The following OR51A7 variants were observed in gnomAD, a reference collection of about 807,000 sequenced individuals.
OR51A7 encodes the protein olfactory receptor family 51 subfamily A member 7.
For synonymous variants in OR51A7, 143 were observed against 135.5 expected, an observed-to-expected ratio of 1.05 and a Z score of -0.38; for missense variants, 409 against 374.5, an observed-to-expected ratio of 1.09 and a Z score of -0.76.
chr11:4,904,726 T>G (rs1188165507), intron 1 of OR51A7, among the ~76,000 whole-genome samples: 1 of 152,038 alleles, frequency 6.6e-6, no homozygotes, highest in Non-Finnish European at 1.5e-5. Flanking sequence ...GTGAAAAGAA[T>G]GGACATCAAT....
chr11:4,905,828 T>C (rs935482769), intron 1 of OR51A7, among the ~76,000 whole-genome samples: 23 of 152,130 alleles, frequency 1.5e-4, no homozygotes, highest in African/African-American at 5.6e-4. Context: ...GATTGCATAT[T>C]TTACTTCTGA....
chr11:4,907,515 T>C lies in OR51A7; in HGVS notation c.146T>C (p.Ile49Thr). ...IMGNCTILFI[I>T]KTEPSLHEPM... ...GGCAACTGCACCATTCTCTTTATTA[T>C]AAAGACAGAGCCCTCGCTTCATGAG... Residue 49 changes from isoleucine to threonine, a missense_variant, in exon 2 of 2, where the codon ATA (isoleucine) becomes ACA (threonine). Ile to Thr is a moderately conservative substitution (Grantham distance 89, BLOSUM62 -1). Coordinates refer to ENST00000641490, the MANE Select transcript of OR51A7 (RefSeq NM_001004749.2). The C allele has an allele frequency of 6.2e-7, 1 of 1,614,104 alleles. No individual in the cohort carries two copies. The highest frequency in any genetic ancestry group is 2.2e-5 in the East Asian group (1 of 44,868).
chr11:4,908,364 C>A lies in OR51A7; in HGVS notation c.*56C>A. 1 of 1,435,174 alleles carries A rather than the reference C, an allele frequency of 7.0e-7. No homozygotes were observed. Among genetic ancestry groups the A allele is most frequent in the Non-Finnish European group, 9.8e-7 (1 of 1,021,860 alleles). The allele number at this position is 1,435,174 out of a possible 1,614,324, so 88.9% of individuals were successfully genotyped here. On this transcript the variant is annotated 3_prime_UTR_variant, in exon 2 of 2. Transcript: ENST00000641490. ...ACCAGTAGGCATTTACTGTCATTTG[C>A]TATGTGCTTAATGCCATAGAAGTCA... is the stretch of plus-strand genomic sequence containing the variant.
At position 4,907,584 on chromosome 11, in the gene OR51A7, G is replaced by T; in HGVS notation, c.215G>T (p.Gly72Val). Reference sequence around the variant, plus strand: ...GCCATGTTGGCTGTCTCTGACATGGGCCTGTCCCTCTCCTCCCTTCCTACC... The same window carrying T: ...GCCATGTTGGCTGTCTCTGACATGGTCCTGTCCCTCTCCTCCCTTCCTACC... ...FLAMLAVSDMGLSLSSLPTML... is the reference protein window; with the variant it reads ...FLAMLAVSDMVLSLSSLPTML... Residue 72 changes from glycine (G) to valine (V), a missense_variant, in exon 2 of 2, where the codon GGC becomes GTC. By Grantham distance (109) the Gly-to-Val change is moderately radical. Coordinates refer to ENST00000641490, the MANE Select transcript of OR51A7 (RefSeq NM_001004749.2). 1 of 1,613,766 alleles carries T rather than the reference G, an allele frequency of 6.2e-7. No individual in the cohort carries two copies. Among genetic ancestry groups the T allele is most frequent in the Non-Finnish European group, 8.5e-7 (1 of 1,179,756 alleles).
At position 4,907,965 on chromosome 11, in the gene OR51A7, G is replaced by A; in HGVS notation, c.596G>A (p.Gly199Asp). 6.2e-7 allele frequency: 1 copy of A among 1,614,048 alleles called. No individual in the cohort carries two copies. The highest frequency in any genetic ancestry group is 2.2e-5 in the East Asian group (1 of 44,874). The change falls in exon 2 of 2, where the codon GGC (glycine) becomes GAC (aspartate). Residue 199 changes from glycine to aspartate, a missense_variant. Physicochemically the swap from Gly to Asp is moderately conservative, Grantham distance 94. Coordinates refer to ENST00000641490, the MANE Select transcript of OR51A7 (RefSeq NM_001004749.2). ...GACAACAAGACCAATGTCATCTATG[G>A]CTTCTTCATTGCTCTCTGTACTATG... Reference protein sequence around the residue: ...CSDNKTNVIYGFFIALCTMLD... With the variant: ...CSDNKTNVIYDFFIALCTMLD...
At chr11:4,904,025 G>C (rs1850843950) in intron 1 of OR51A7, among the ~76,000 whole-genome samples, 181 bp downstream of exon 1, 1 of 151,978 alleles carries the variant, frequency 6.6e-6, no homozygotes, top group South Asian at 2.1e-4. Context: ...TTAATAATAT[G>C]ACAAATAAAA....
intron 1 of OR51A7, among the ~76,000 whole-genome samples, chr11:4,905,072 G>A (rs1206433537): frequency 2.6e-5 from 4 of 152,032 alleles, no homozygotes; most frequent in East Asian, 1.9e-4. Flanking sequence ...AGCAAAAGAC[G>A]AAAATAAAAA....
intron 1 of OR51A7, 46 bp from the exon 2 acceptor site, chr11:4,907,293 G>A (rs933918792): frequency 1.6e-5 from 16 of 972,350 alleles, no homozygotes; most frequent in Non-Finnish European, 2.3e-5. Context: ...TCACAAAACT[G>A]AGTTTTAACC....
chr11:4,905,494 A>G (rs1850871076), intron 1 of OR51A7, among the ~76,000 whole-genome samples: 1 of 152,172 alleles, frequency 6.6e-6, no homozygotes, highest in Admixed American at 6.6e-5. Context: ...AAGGAGCTCA[A>G]TCAATTTCCA....
chr11:4,908,557 G>A lies in OR51A7; in HGVS notation c.*249G>A, dbSNP rs1850943346. Reference sequence around the variant, plus strand: ...TGAAGGAAAATACTTCTGTGATGGAGCAGCTGGATTTGAGTCAACCCATAA... The same window carrying A: ...TGAAGGAAAATACTTCTGTGATGGAACAGCTGGATTTGAGTCAACCCATAA... On this transcript the variant is annotated 3_prime_UTR_variant, in exon 2 of 2. Transcript: ENST00000641490. 2 of 514,258 alleles carry A rather than the reference G, an allele frequency of 3.9e-6. No homozygotes were observed. Among genetic ancestry groups the A allele is most frequent in the Non-Finnish European group, 7.0e-6 (2 of 285,214 alleles). 31.9% of individuals were successfully genotyped at this position (514,258 alleles called of 1,614,324 possible). A position where few individuals can be genotyped will look rare whatever the true frequency, so the allele number is the denominator to read the frequency against.
At chr11:4,904,558 C>G (rs1307666806) in intron 1 of OR51A7, among the ~76,000 whole-genome samples, 1 of 152,026 alleles carries the variant, frequency 6.6e-6, no homozygotes, top group Non-Finnish European at 1.5e-5. Flanking sequence ...GTATTATGTA[C>G]ATTTTTACTG....
intron 1 of OR51A7, 27 bp from the exon 2 acceptor site, chr11:4,907,312 G>A: frequency 1.7e-6 from 2 of 1,201,368 alleles, no homozygotes; most frequent in Non-Finnish European, 2.4e-6. Flanking sequence ...CCAAAAGCAT[G>A]ACTGCTTTTC....
rs1158958714 is a variant in OR51A7, at chr11:4,908,155, C to A, written c.786C>A (p.His262Gln). ...VPIITLAAMH[H>Q]FAKHKSPLVV... ...TCATCACCCTGGCTGCCATGCATCA[C>A]TTTGCCAAGCACAAAAGCCCTCTTG... Residue 262 changes from histidine (H) to glutamine (Q), a missense_variant, in exon 2 of 2, where the codon CAC becomes CAA. His to Gln is a conservative substitution (Grantham distance 24, BLOSUM62 0). Transcript: ENST00000641490. The A allele has an allele frequency of 2.5e-6, 4 of 1,614,206 alleles. No homozygotes were observed. Among genetic ancestry groups the A allele is most frequent in the Non-Finnish European group, 3.4e-6 (4 of 1,180,028 alleles).
intron 1 of OR51A7, among the ~76,000 whole-genome samples, chr11:4,906,422 T>A (rs1219596955): frequency 1.3e-5 from 2 of 152,180 alleles, no homozygotes; most frequent in East Asian, 1.9e-4. Context: ...TAAAATCAAA[T>A]GAAAGGGCAA....
chr11:4,906,973 G>A (rs1458454480), intron 1 of OR51A7, among the ~76,000 whole-genome samples: 1 of 151,778 alleles, frequency 6.6e-6, no homozygotes, highest in Non-Finnish European at 1.5e-5. Context: ...GTGCACACCT[G>A]TAATCCCAGC....
chr11:4,907,303 C>A, intron 1 of OR51A7, 36 bp from the exon 2 acceptor site: 1 of 1,134,276 alleles, frequency 8.8e-7, no homozygotes, highest in Non-Finnish European at 1.3e-6. Flanking sequence ...GAGTTTTAAC[C>A]AAAAGCATGA....
Position 4,907,741 on chromosome 11 carries a change from T to G in OR51A7, c.372T>G (p.Leu124=). ...VLLIMSLDRF[L]AIHNPLRYSS... ...TAATTATGTCTTTGGACCGCTTTCT[T>G]GCCATTCACAATCCCTTAAGATACA... The change falls in exon 2 of 2, where the codon CTT becomes CTG. Residue 124 remains leucine, a synonymous_variant. Coordinates refer to ENST00000641490, the MANE Select transcript of OR51A7 (RefSeq NM_001004749.2). 1 of 1,614,036 alleles carries G rather than the reference T, an allele frequency of 6.2e-7. No individual in the cohort carries two copies. The highest frequency in any genetic ancestry group is 1.1e-5 in the South Asian group (1 of 91,082).
rs1376656572 is a variant in OR51A7 at position 4,908,844 on chromosome 11, T to C, written c.*536T>C. ...GAGGTGTTGGAATGCCAATTTCTTC[T>C]CTACATGATAAATTTCATTTTAAGA... On this transcript the variant is annotated 3_prime_UTR_variant, in exon 2 of 2. Coordinates refer to ENST00000641490, the MANE Select transcript of OR51A7 (RefSeq NM_001004749.2). 2 of 161,568 alleles carry C rather than the reference T, an allele frequency of 1.2e-5. No individual in the cohort carries two copies. The highest frequency in any genetic ancestry group is 2.7e-5 in the Non-Finnish European group (2 of 73,454). 10.0% of individuals were successfully genotyped at this position (161,568 alleles called of 1,614,324 possible).
At chr11:4,905,538 CTTTT>C (rs1415038613) in intron 1 of OR51A7, among the ~76,000 whole-genome samples, 1 of 152,122 alleles carries the variant, frequency 6.6e-6, no homozygotes, top group Admixed American at 6.5e-5. Context: ...AGGTTGATGA[CTTTT>C]TTCTCTTGCA....
Sources: allele counts gnomAD v4.1 joint callset (sites outside exome capture counted in the v4.1 genomes callset), GRCh38; gene constraint gnomAD v4.1.1; transcripts MANE v1.5; gene names NCBI Gene and HGNC (gene_info 2026-07-23, HGNC 2026-07-21).